The following PHF8 variants were observed in gnomAD, a reference collection of about 807,000 sequenced individuals.
PHF8 encodes histone lysine demethylase PHF8.
Under a neutral mutation model 74.4 loss-of-function variants are expected in PHF8, and 9 were observed. The observed-to-expected ratio is 0.12, with a 90% CI of 0.07 to 0.21. The LOEUF (loss-of-function observed/expected upper bound fraction) is 0.21. PHF8 is among the 10% of genes least tolerant of loss of function. PHF8 has a pLI of 1.00. For missense variants in PHF8, 478 were observed against 816.6 expected (o/e 0.59, Z 5.05); for synonymous variants, 311 against 316.6 (o/e 0.98, Z 0.19).
chrX:54,027,584 T>A (rs1353609557), intron 2 of PHF8, among the ~76,000 whole-genome samples: 1 of 111,430 alleles, frequency 9.0e-6, no homozygotes, highest in East Asian at 2.8e-4. Flanking sequence ...CTGACCTCCT[T>A]GTTGATATAT....
At position 53,940,534 on chromosome X, in the gene PHF8, T is replaced by G; in HGVS notation, c.2650-18A>C. 9 of 1,086,130 alleles carry G rather than the reference T, an allele frequency of 8.3e-6. No individual in the cohort carries two copies. Among genetic ancestry groups the G allele is most frequent in the Non-Finnish European group, 1.1e-5 (9 of 785,653 alleles). The allele number at this position is 1,086,130 out of a possible 1,213,427, so 89.5% of individuals were successfully genotyped here. A position where few individuals can be genotyped will look rare whatever the true frequency, so the allele number is the denominator to read the frequency against. On this transcript the variant is annotated intron_variant, in intron 20 of 21. Transcript: ENST00000338154. ...TGTAGCTCCTGAAACACAAGCCAAG[T>G]AGGAGGAGAGATTAAGGAGTGAAGA...
chrX:53,985,733 T>G (rs782406471), intron 17 of PHF8, 83 bp downstream of exon 17: 1 of 1,199,905 alleles, frequency 8.3e-7, no homozygotes, highest in Non-Finnish European at 1.1e-6. Flanking sequence ...AAATATCTAC[T>G]GATTGGCTGA....
chrX:54,043,937 G>A lies in PHF8; in HGVS notation c.-268C>T. The stretch of plus-strand genomic sequence containing the variant: ...GCAGCCGGGCTAGCTCCGGGACTGC[G>A]AAGCGCCTCAGCGGAGGCTCGTCCG... On this transcript the variant is annotated 5_prime_UTR_variant, in exon 1 of 22. Coordinates refer to ENST00000338154, the MANE Select transcript of PHF8 (RefSeq NM_015107.3). The A allele has an allele frequency of 1.3e-6, 1 of 754,897 alleles. No homozygotes were observed. Among genetic ancestry groups the A allele is most frequent in the African/African-American group, 2.3e-5 (1 of 44,025 alleles). 62.2% of individuals were successfully genotyped at this position (754,897 alleles called of 1,213,427 possible).
intron 11 of PHF8, among the ~76,000 whole-genome samples, chrX:53,998,270 A>G (rs1557103434): frequency 9.1e-6 from 1 of 109,993 alleles, no homozygotes; most frequent in Non-Finnish European, 1.9e-5. Flanking sequence ...CCTGGCCAAC[A>G]TGGTGAAACC....
chrX:53,975,512 T>C (rs1164533049), intron 18 of PHF8, among the ~76,000 whole-genome samples: 1 of 112,250 alleles, frequency 8.9e-6, no homozygotes, highest in African/African-American at 3.2e-5. Context: ...AGAAATGTGG[T>C]ATATATAAAC....
At chrX:53,989,121 T>G (rs900361408) in intron 14 of PHF8, among the ~76,000 whole-genome samples, 2 of 109,706 alleles carry the variant, frequency 1.8e-5, no homozygotes, top group Non-Finnish European at 3.8e-5. Context: ...CACCACCATG[T>G]CTGGCTAATT....
At chrX:54,044,820 A>AT, upstream of PHF8, 1 of 1,074,731 alleles carries the variant, frequency 9.3e-7, no homozygotes, top group Admixed American at 2.7e-5. Context: ...AAACTACAAA[A>AT]TTAATAGGTG....
chrX:53,950,387 A>G (rs1557086594), intron 19 of PHF8, among the ~76,000 whole-genome samples: 1 of 112,752 alleles, frequency 8.9e-6, no homozygotes, highest in Non-Finnish European at 1.9e-5. Context: ...GTTAAAAAAA[A>G]GCTAAAGAAT....
chrX:53,965,564 G>A (rs1054502040), intron 18 of PHF8, among the ~76,000 whole-genome samples: 7 of 111,932 alleles, frequency 6.3e-5, no homozygotes, highest in Non-Finnish European at 9.4e-5. Flanking sequence ...GCTTGAACCC[G>A]GGAGGTGGAG....
At chrX:53,943,803 T>C (rs1263294946) in intron 20 of PHF8, among the ~76,000 whole-genome samples, 4 of 112,111 alleles carry the variant, frequency 3.6e-5, no homozygotes, top group Non-Finnish European at 7.5e-5. Context: ...AGTCACCCCC[T>C]CAGGGCTTCA....
intron 17 of PHF8, 28 bp from the exon 18 acceptor site, chrX:53,985,255 G>A (rs976327856): frequency 4.5e-6 from 5 of 1,121,510 alleles, no homozygotes; most frequent in Non-Finnish European, 6.1e-6. Flanking sequence ...GAAATACTGA[G>A]AGAGTTGTTT....
At chrX:53,949,368 T>C (rs782582245) in intron 19 of PHF8, among the ~76,000 whole-genome samples, 143 of 111,194 alleles carry the variant, frequency 1.3e-3, no homozygotes, top group African/African-American at 4.5e-3. Context: ...ATTAACAAAT[T>C]TTAAATAATG....
intron 6 of PHF8, among the ~76,000 whole-genome samples, chrX:54,015,005 A>G (rs2066039551): frequency 8.9e-6 from 1 of 112,103 alleles, no homozygotes; most frequent in African/African-American, 3.2e-5. Context: ...ACGTAAAGCC[A>G]CAAATCTTAC....
intron 18 of PHF8, among the ~76,000 whole-genome samples, chrX:53,965,485 A>G (rs2065170489): frequency 1.8e-5 from 2 of 112,858 alleles, no homozygotes; most frequent in Admixed American, 1.9e-4. Flanking sequence ...CTAAAAATAC[A>G]AAAATTAGCC....
In PHF8 at chrX:53,962,932, A is replaced by G; in HGVS notation, c.2451T>C (p.Pro817=). 1 of 1,155,663 alleles carries G rather than the reference A, an allele frequency of 8.7e-7. No individual in the cohort carries two copies. The highest frequency in any genetic ancestry group is 2.4e-4 in the Middle Eastern group (1 of 4,214). Residue 817 remains proline, a synonymous_variant, in exon 19 of 22, where the codon CCT becomes CCC. Coordinates refer to ENST00000338154, the MANE Select transcript of PHF8 (RefSeq NM_015107.3). ...GGTCATCATCATCAGACTCCAGTGA[A>G]GGATAGACTGCAGGGAGAAGGGAAA... ...ACFKDAEYIY[P]SLESDDDDPA... is the part of the protein sequence containing the mutation.
At chrX:53,958,259 C>A (rs2065044277) in intron 19 of PHF8, among the ~76,000 whole-genome samples, 1 of 107,899 alleles carries the variant, frequency 9.3e-6, no homozygotes, top group South Asian at 4.3e-4. Context: ...CCAGGATGGT[C>A]TGGATCTCCT....
intron 2 of PHF8, among the ~76,000 whole-genome samples, chrX:54,041,412 GA>G (rs1291996114): frequency 1.9e-5 from 2 of 105,988 alleles, no homozygotes; most frequent in African/African-American, 3.5e-5. Context: ...AAAGAAAAAA[GA>G]AAAAAAGAAA....
chrX:54,000,985 T>G (rs2065817740), intron 10 of PHF8, among the ~76,000 whole-genome samples: 1 of 112,786 alleles, frequency 8.9e-6, no homozygotes, highest in African/African-American at 3.2e-5. Flanking sequence ...AAAAAGTGAA[T>G]CTAAGAAGGT....
In PHF8 at chrX:53,940,174, T is replaced by C. The variant is rs1422653142; in HGVS notation, c.2986+6A>G. 2 of 1,161,255 alleles carry C rather than the reference T, an allele frequency of 1.7e-6. No homozygotes were observed. The highest frequency in any genetic ancestry group is 2.3e-6 in the Non-Finnish European group (2 of 865,675). On this transcript the variant is annotated splice_donor_region_variant and intron_variant, in intron 21 of 21. Coordinates refer to ENST00000338154, the MANE Select transcript of PHF8 (RefSeq NM_015107.3). ...CTTCGGTTCTACAACCATATGGCCG[T>C]TGTACCTTGTCCTGCCTGATTGCTC...
Sources: gnomAD v4.1 joint callset for allele counts (sites outside exome capture counted in the v4.1 genomes callset) on GRCh38, gnomAD v4.1.1 for gene constraint, MANE v1.5 for transcripts, NCBI Gene and HGNC (gene_info 2026-07-23, HGNC 2026-07-21) for gene names.